IRAK1BP1: variants seen among roughly 807,000 people sequenced by gnomAD.
The protein encoded by IRAK1BP1 is interleukin-1 receptor-associated kinase 1-binding protein 1.
A neutral mutation model predicts 28.0 loss-of-function variants in IRAK1BP1; 24 were observed. That is an observed-to-expected ratio of 0.86 (90% CI 0.62 to 1.20). The LOEUF (loss-of-function observed/expected upper bound fraction) is 1.20. Ranked by LOEUF, IRAK1BP1 falls within the 50% of genes most tolerant of loss-of-function variation. The pLI, the probability that IRAK1BP1 is intolerant of heterozygous loss-of-function variation, is 0.00. For synonymous variants in IRAK1BP1, 131 were observed against 116.3 expected, an observed-to-expected ratio of 1.13 and a Z score of -0.81; for missense variants, 336 against 316.7, an observed-to-expected ratio of 1.06 and a Z score of -0.46.
chr6:78,924,395 T>A (rs1159087813), intron 4 of IRAK1BP1, among the ~76,000 whole-genome samples: 1 of 151,964 alleles, frequency 6.6e-6, no homozygotes, highest in East Asian at 1.9e-4. Flanking sequence ...AATAGAGCAA[T>A]AACAGGCTCT....
Position 78,870,626 on chromosome 6 carries a change from A to G in IRAK1BP1, c.315+2735A>G, listed in dbSNP as rs373175135. ...CTTACTTCTAGCGTGGTTTTCATTG[A>G]AAAGTGTTTTAAAGTTCTAAGCAAT... is the stretch of plus-strand genomic sequence containing the variant. On this transcript the variant is annotated intron_variant, in intron 1 of 3. Transcript: ENST00000369940. Among the ~76,000 whole-genome samples the G allele has an allele frequency of 1.4e-4, 21 of 152,334 alleles. 1 individual carries two copies. The East Asian group carries it at 3.1e-3, about 22-fold the overall frequency.
the IRAK1BP1 span, among the ~76,000 whole-genome samples, chr6:78,968,448 A>T: frequency 6.6e-6 from 1 of 152,172 alleles, no homozygotes; most frequent in Non-Finnish European, 1.5e-5. Flanking sequence ...TATTAGTGGG[A>T]TGTGAAATCC....
At chr6:78,904,062 A>G (rs181715486), downstream of IRAK1BP1, among the ~76,000 whole-genome samples, 71 of 152,336 alleles carry the variant, frequency 4.7e-4, 2 homozygotes, top group Admixed American at 2.8e-3. Context: ...TTATTCTCAA[A>G]TAAGACAGAT....
At chr6:78,938,181 T>C (rs1425833078) in intron 4 of IRAK1BP1, 1 of 151,638 alleles carries the variant, frequency 6.6e-6, no homozygotes, top group Non-Finnish European at 1.5e-5. Flanking sequence ...TAATACATGT[T>C]TAAGTGTTTC....
chr6:78,954,268 A>ATT, the IRAK1BP1 span, among the ~76,000 whole-genome samples: 199 of 147,106 alleles, frequency 1.4e-3, 1 homozygote, highest in African/African-American at 4.1e-3. Context: ...CGCCTGGCTA[A>ATT]TTTTTTTTTT....
At chr6:78,950,916 TGAG>T (rs1395528652), downstream of IRAK1BP1, among the ~76,000 whole-genome samples, 1 of 152,174 alleles carries the variant, frequency 6.6e-6, no homozygotes, top group Non-Finnish European at 1.5e-5. Context: ...TCTAGGTTCT[TGAG>T]GAGTGAGCTT....
At position 78,902,727 on chromosome 6, in the gene IRAK1BP1, C is replaced by T. The variant is rs1384167480; in HGVS notation, c.*4393C>T. ...CAGAGCTTACAGTGAGCCGAGATCG[C>T]ACCACTGCACTTCAGCCTGGGTGAC... On this transcript the variant is annotated 3_prime_UTR_variant, in exon 4 of 4. Transcript: ENST00000369940. The T allele has an allele frequency of 3.0e-6, 1 of 328,860 alleles. No individual in the cohort carries two copies. The highest frequency in any genetic ancestry group is 2.1e-5 in the African/African-American group (1 of 47,504). 20.4% of individuals were successfully genotyped at this position (328,860 alleles called of 1,614,324 possible).
chr6:78,904,500 G>A (rs116605945), downstream of IRAK1BP1, among the ~76,000 whole-genome samples: 1 of 152,262 alleles, frequency 6.6e-6, no homozygotes, highest in African/African-American at 2.4e-5. Flanking sequence ...GTAAACAGAT[G>A]CTTAAATTGA....
chr6:78,974,092 C>T, the IRAK1BP1 span, among the ~76,000 whole-genome samples: 5 of 152,044 alleles, frequency 3.3e-5, no homozygotes, highest in African/African-American at 1.2e-4. Context: ...AGCACCACAC[C>T]ACACCTATTC....
At chr6:78,933,419 C>G (rs1042625854) in intron 4 of IRAK1BP1, among the ~76,000 whole-genome samples, 38 of 150,888 alleles carry the variant, frequency 2.5e-4, no homozygotes, top group African/African-American at 8.5e-4. Flanking sequence ...AGTTTGAGAC[C>G]AGCCTGGCCA....
chr6:78,977,468 A>G, the IRAK1BP1 span, among the ~76,000 whole-genome samples: 1 of 152,166 alleles, frequency 6.6e-6, no homozygotes, highest in Non-Finnish European at 1.5e-5. Flanking sequence ...TGGCACATGT[A>G]TACGTATGTA....
chr6:78,921,628 C>T (rs1428389111), intron 4 of IRAK1BP1, among the ~76,000 whole-genome samples: 5 of 152,230 alleles, frequency 3.3e-5, no homozygotes, highest in Non-Finnish European at 5.9e-5. Context: ...ACTGCCTCCT[C>T]AAGTGGGTCC....
the IRAK1BP1 span, chr6:78,957,446 C>G: frequency 6.6e-6 from 1 of 151,802 alleles, no homozygotes; most frequent in Non-Finnish European, 1.5e-5. Context: ...AGAAAGGGCA[C>G]AAACTTTACC....
At chr6:78,918,086 C>A (rs1772608082) in intron 4 of IRAK1BP1, among the ~76,000 whole-genome samples, 1 of 152,002 alleles carries the variant, frequency 6.6e-6, no homozygotes, top group African/African-American at 2.4e-5. Flanking sequence ...TTGCTTGAGC[C>A]CAGGTATTTG....
the IRAK1BP1 span, among the ~76,000 whole-genome samples, chr6:78,966,325 T>C: frequency 6.6e-6 from 1 of 152,244 alleles, no homozygotes; most frequent in Non-Finnish European, 1.5e-5. Context: ...GTTTTAGGCA[T>C]TTTTACCAAT....
chr6:78,867,915 A>T (rs775934561), intron 1 of IRAK1BP1, 24 bp downstream of exon 1: 6 of 1,536,366 alleles, frequency 3.9e-6, no homozygotes. Flanking sequence ...GGGGGAGGAA[A>T]TAAGAGCCGG....
At chr6:78,920,563 A>G (rs959896942) in intron 4 of IRAK1BP1, among the ~76,000 whole-genome samples, 4 of 152,210 alleles carry the variant, frequency 2.6e-5, no homozygotes, top group South Asian at 2.1e-4. Context: ...AAATGGTGCT[A>G]TGATAACTGG....
intron 4 of IRAK1BP1, among the ~76,000 whole-genome samples, chr6:78,928,409 T>TTG (rs1048352981): frequency 6.6e-6 from 1 of 151,944 alleles, no homozygotes; most frequent in Admixed American, 6.6e-5. Flanking sequence ...TTAATAGTTT[T>TTG]TGTGTGTGTG....
chr6:78,890,829 GC>G (rs1771626314), intron 2 of IRAK1BP1, among the ~76,000 whole-genome samples: 1 of 152,176 alleles, frequency 6.6e-6, no homozygotes, highest in Non-Finnish European at 1.5e-5. Flanking sequence ...AGCAGACAGG[GC>G]TGACCAGAAG....
Sources: gnomAD v4.1 joint callset for allele counts (sites outside exome capture counted in the v4.1 genomes callset) on GRCh38, gnomAD v4.1.1 for gene constraint, MANE v1.5 for transcripts, NCBI Gene and HGNC (gene_info 2026-07-23, HGNC 2026-07-21) for gene names.